The following SNX29 variants were observed in gnomAD, a reference collection of about 807,000 sequenced individuals.
SNX29 encodes sorting nexin 29, also known as sorting nexin-29.
SNX29 carries 78 observed loss-of-function variants against 102.1 expected under a neutral mutation model. That is an observed-to-expected ratio of 0.76 (90% CI 0.64 to 0.92). The LOEUF (loss-of-function observed/expected upper bound fraction) is 0.92. SNX29 is among the 40% of genes least tolerant of loss of function. The pLI is 0.00. For synonymous variants in SNX29, 580 were observed against 414.5 expected (o/e 1.40, Z -4.85); for missense variants, 1,280 against 1,061.7 (o/e 1.21, Z -2.86).
At chr16:12,567,451 T>G (rs2079058455) in intron 20 of SNX29, among the ~76,000 whole-genome samples, 1 of 152,174 alleles carries the variant, frequency 6.6e-6, no homozygotes, top group Non-Finnish European at 1.5e-5. Flanking sequence ...GCCCCAGAAT[T>G]TATGTGTCCC....
intron 18 of SNX29, among the ~76,000 whole-genome samples, chr16:12,451,788 T>C (rs2086310005): frequency 6.6e-6 from 1 of 152,172 alleles, no homozygotes; most frequent in African/African-American, 2.4e-5. Context: ...CGCTTGAACC[T>C]GGAAGGCAGA....
chr16:12,498,099 T>C (rs1158411251), intron 19 of SNX29, among the ~76,000 whole-genome samples: 1 of 151,894 alleles, frequency 6.6e-6, no homozygotes. Context: ...GCCACCAGAA[T>C]TGAGTCTTGA....
chr16:12,080,692 C>CT (rs34209588), intron 11 of SNX29, among the ~76,000 whole-genome samples: 1,443 of 134,722 alleles, frequency 0.011, 20 homozygotes, highest in African/African-American at 0.029. Context: ...CTACAGTTTA[C>CT]TTTTTTTTTT....
intron 15 of SNX29, among the ~76,000 whole-genome samples, chr16:12,353,583 C>G (rs549222557): frequency 6.6e-6 from 1 of 152,348 alleles, no homozygotes; most frequent in Non-Finnish European, 1.5e-5. Context: ...CCTGAACCAC[C>G]TCTCTCCGCC....
At chr16:12,522,029 A>C (rs971908074) in intron 19 of SNX29, among the ~76,000 whole-genome samples, 1 of 152,072 alleles carries the variant, frequency 6.6e-6, no homozygotes, top group African/African-American at 2.4e-5. Context: ...TTGGAGAAGA[A>C]GACTTTGTTG....
intron 18 of SNX29, among the ~76,000 whole-genome samples, chr16:12,431,304 G>A (rs1297594095): frequency 1.3e-5 from 2 of 151,814 alleles, no homozygotes; most frequent in African/African-American, 4.9e-5. Context: ...TCGAAACAGT[G>A]CAGATCCTGA....
At chr16:12,406,762 G>C (rs1267898577) in intron 18 of SNX29, among the ~76,000 whole-genome samples, 2 of 152,164 alleles carry the variant, frequency 1.3e-5, no homozygotes, top group Non-Finnish European at 2.9e-5. Flanking sequence ...ACAAAAATTA[G>C]CTGAGCGTTG....
At chr16:12,369,378 G>C in intron 16 of SNX29, among the ~76,000 whole-genome samples, 1 of 151,576 alleles carries the variant, frequency 6.6e-6, no homozygotes, top group East Asian at 1.9e-4. Flanking sequence ...TCAAGTGATC[G>C]ACCCACCTTG....
intron 10 of SNX29, among the ~76,000 whole-genome samples, chr16:12,069,775 C>G (rs1257510928): frequency 1.3e-5 from 2 of 152,266 alleles, no homozygotes; most frequent in East Asian, 3.8e-4. Flanking sequence ...ACCGCAAGCT[C>G]TGCCTGCTGT....
intron 19 of SNX29, among the ~76,000 whole-genome samples, chr16:12,522,825 C>CTAATA (rs1414271926): frequency 6.6e-6 from 1 of 152,114 alleles, no homozygotes; most frequent in Admixed American, 6.5e-5. Context: ...TGAGAATGGA[C>CTAATA]TAATATAGTC....
intron 20 of SNX29, among the ~76,000 whole-genome samples, chr16:12,530,154 A>T (rs1448796597): frequency 6.6e-6 from 1 of 152,156 alleles, no homozygotes; most frequent in Non-Finnish European, 1.5e-5. Context: ...TGAGTTTGAG[A>T]CCCCTGGTAG....
At chr16:12,044,814 C>T (rs996057400) in intron 5 of SNX29, among the ~76,000 whole-genome samples, 8 of 152,152 alleles carry the variant, frequency 5.3e-5, no homozygotes, top group South Asian at 4.1e-4. Flanking sequence ...ATCTCCTGAC[C>T]TCGTGATCCT....
chr16:11,977,121 C>A, intron 1 of SNX29: 1 of 343,830 alleles, frequency 2.9e-6, no homozygotes, highest in Non-Finnish European at 5.2e-6. Context: ...TCCAGACCCC[C>A]AGTTCTGAGA....
chr16:12,515,268 G>T (rs1269600733), intron 19 of SNX29, among the ~76,000 whole-genome samples: 2 of 152,162 alleles, frequency 1.3e-5, no homozygotes, highest in Non-Finnish European at 2.9e-5. Flanking sequence ...GTCTTTTCCA[G>T]CTGACTGTAA....
chr16:12,135,639 G>T (rs1003685355), intron 13 of SNX29: 1 of 1,337,268 alleles, frequency 7.5e-7, no homozygotes, highest in African/African-American at 1.5e-5. Flanking sequence ...AACAGTTCCT[G>T]ATAGTCTCAT....
chr16:12,419,778 G>A (rs533216768), intron 18 of SNX29, among the ~76,000 whole-genome samples: 1 of 152,326 alleles, frequency 6.6e-6, no homozygotes, highest in South Asian at 2.1e-4. Flanking sequence ...GCCATACCAC[G>A]TGTCTGCTGA....
intron 13 of SNX29, among the ~76,000 whole-genome samples, chr16:12,179,745 C>G (rs1020714806): frequency 1.3e-5 from 2 of 152,132 alleles, no homozygotes; most frequent in African/African-American, 4.8e-5. Context: ...AGAGTTGTTA[C>G]ACGTTGTTAC....
At chr16:12,068,003 G>T (rs893253638) in intron 9 of SNX29, among the ~76,000 whole-genome samples, 1 of 134,782 alleles carries the variant, frequency 7.4e-6, no homozygotes, top group Non-Finnish European at 1.6e-5. Context: ...AGGGAAAATT[G>T]GCCTTTTTAG....
intron 20 of SNX29, among the ~76,000 whole-genome samples, chr16:12,548,916 T>C (rs1041435443): frequency 1.3e-5 from 2 of 152,220 alleles, no homozygotes; most frequent in African/African-American, 2.4e-5. Flanking sequence ...GCTGTAGGTA[T>C]TCTTCAGTAC....
Sources: allele counts gnomAD v4.1 joint callset (sites outside exome capture counted in the v4.1 genomes callset), GRCh38; gene constraint gnomAD v4.1.1; transcripts MANE v1.5; gene names NCBI Gene and HGNC (gene_info 2026-07-23, HGNC 2026-07-21).